SPATA13: variants seen among roughly 807,000 people sequenced by gnomAD.
The protein encoded by SPATA13 is spermatogenesis associated 13.
In SPATA13, 50 loss-of-function variants were observed where a neutral mutation model predicts 104.0. The observed-to-expected ratio is 0.48, with a 90% confidence interval of 0.38 to 0.61. The LOEUF is 0.61. SPATA13 is among the 20% of genes least tolerant of loss of function. The probability of loss-of-function intolerance (pLI) is 0.00; values close to 1 mark genes in which losing one functional copy is unlikely to be tolerated. For synonymous variants in SPATA13, 606 were observed against 667.5 expected, an observed-to-expected ratio of 0.91 and a Z score of 1.42; for missense variants, 1,524 against 1,690.6, an observed-to-expected ratio of 0.90 and a Z score of 1.73.
intron 1 of SPATA13, among the ~76,000 whole-genome samples, chr13:24,183,976 C>T (rs563500434): frequency 6.6e-5 from 10 of 152,108 alleles, no homozygotes; most frequent in Admixed American, 6.5e-5. Context: ...ATTACTCCCC[C>T]CTCTACCCAG....
chr13:24,156,142 G>A (rs1313511889), upstream of SPATA13, among the ~76,000 whole-genome samples: 1 of 152,188 alleles, frequency 6.6e-6, no homozygotes, highest in Non-Finnish European at 1.5e-5. Flanking sequence ...TGCTATGAAA[G>A]TGGGTGTACA....
chr13:24,176,990 C>A (rs1472524923), intron 1 of SPATA13, among the ~76,000 whole-genome samples: 1 of 152,138 alleles, frequency 6.6e-6, no homozygotes, highest in East Asian at 1.9e-4. Flanking sequence ...GTCTCAAACT[C>A]CTGACCTCAG....
intron 3 of SPATA13, among the ~76,000 whole-genome samples, chr13:24,078,193 C>T (rs1165902409): frequency 6.6e-6 from 1 of 152,160 alleles, no homozygotes; most frequent in Non-Finnish European, 1.5e-5. Flanking sequence ...CAAAGACCTT[C>T]AGCCAAGAGA....
intron 3 of SPATA13, among the ~76,000 whole-genome samples, chr13:24,102,475 C>CT (rs34472292): frequency 0.058 from 6,971 of 120,776 alleles, 338 homozygotes; most frequent in African/African-American, 0.12. Flanking sequence ...CACAGAATTT[C>CT]TTTTTTTTTT....
intron 1 of SPATA13, among the ~76,000 whole-genome samples, chr13:24,201,675 A>G (rs1436651325): frequency 6.6e-6 from 1 of 152,172 alleles, no homozygotes; most frequent in African/African-American, 2.4e-5. Flanking sequence ...TCTTGAGCTC[A>G]TGGTTCGCCC....
intron 3 of SPATA13, among the ~76,000 whole-genome samples, chr13:24,099,716 T>C (rs927964719): frequency 2.6e-5 from 4 of 152,216 alleles, no homozygotes; most frequent in Admixed American, 2.6e-4. Context: ...ATGTGATCAG[T>C]GTCATGAATA....
chr13:24,015,129 T>C (rs1415968503), intron 2 of SPATA13, among the ~76,000 whole-genome samples: 1 of 152,122 alleles, frequency 6.6e-6, no homozygotes, highest in Non-Finnish European at 1.5e-5. Flanking sequence ...CCTGACCTCA[T>C]GATCTGCCTG....
intron 3 of SPATA13, among the ~76,000 whole-genome samples, chr13:24,057,070 C>CT (rs1400672962): frequency 2.4e-5 from 2 of 83,492 alleles, no homozygotes; most frequent in Admixed American, 2.2e-4. Flanking sequence ...TTTTTTTTTT[C>CT]TTTTTTTAAA....
At chr13:24,017,919 C>T (rs963772104) in intron 3 of SPATA13, among the ~76,000 whole-genome samples, 1 of 152,184 alleles carries the variant, frequency 6.6e-6, no homozygotes, top group African/African-American at 2.4e-5. Context: ...TGACTTCTTC[C>T]TTTGTGAAGT....
intron 3 of SPATA13, among the ~76,000 whole-genome samples, chr13:24,105,427 C>T (rs538454563): frequency 2.7e-5 from 4 of 150,868 alleles, no homozygotes; most frequent in Non-Finnish European, 5.9e-5. Context: ...GTGTGAGCCA[C>T]TGCGCCTGAC....
At chr13:24,006,428 G>C (rs1387972819) in intron 2 of SPATA13, among the ~76,000 whole-genome samples, 2 of 152,176 alleles carry the variant, frequency 1.3e-5, no homozygotes, top group Non-Finnish European at 1.5e-5. Context: ...GTCAGACAAC[G>C]ACAAGACAAA....
At chr13:24,041,935 C>T (rs1201996408) in intron 3 of SPATA13, among the ~76,000 whole-genome samples, 1 of 152,218 alleles carries the variant, frequency 6.6e-6, no homozygotes. Context: ...ATCTGACACA[C>T]AGTCCTCGCC....
At chr13:24,228,108 CTTTTTTT>C (rs71186818) in intron 2 of SPATA13, among the ~76,000 whole-genome samples, 23,487 of 102,186 alleles carry the variant, frequency 0.23, 2,379 homozygotes, top group South Asian at 0.36. Flanking sequence ...CTCTTGTACT[CTTTTTTT>C]TTTTTTTTTT....
At chr13:24,014,845 C>G (rs1339841994) in intron 2 of SPATA13, among the ~76,000 whole-genome samples, 2 of 140,386 alleles carry the variant, frequency 1.4e-5, no homozygotes, top group East Asian at 4.1e-4. Context: ...TGCTGTAGTT[C>G]TGAGATCCAG....
chr13:24,007,520 G>A (rs777322932), intron 2 of SPATA13, among the ~76,000 whole-genome samples: 2 of 152,208 alleles, frequency 1.3e-5, no homozygotes, highest in African/African-American at 4.8e-5. Context: ...GTAGTGGTGC[G>A]AACTTGGCCC....
rs1876396581 is a variant in SPATA13 at position 24,009,962 on chromosome 13, G to T, written c.-146-7705G>T. ...TGGGGGGCTTACAATTTTATTTTTG[G>T]TTTACAGGCAGTCCTGACAACATGT... On this transcript the variant is annotated intron_variant, in intron 2 of 14. Coordinates refer to the SPATA13 transcript ENST00000424834. 1.3e-5 allele frequency among the ~76,000 whole-genome samples: 2 copies of T among 152,140 alleles called. 1 individual carries two copies. The highest frequency in any genetic ancestry group is 4.1e-4 in the South Asian group (2 of 4,824).
rs560219504 is a variant in SPATA13, at chr13:24,073,138, G to A, written c.-112+55437G>A. 1.3e-3 allele frequency among the ~76,000 whole-genome samples: 202 copies of A among 152,214 alleles called. 1 individual carries two copies. Among genetic ancestry groups the A allele is most frequent in the African/African-American group, 4.4e-3 (184 of 41,526 alleles). On this transcript the variant is annotated intron_variant, in intron 3 of 14. Transcript: ENST00000424834. ...TTCTGGATAACGTCATGATCATTAG[G>A]TTGAAGTGTAGAAGATTGTATGTTG...
chr13:24,102,539 A>G (rs564696176), intron 3 of SPATA13, among the ~76,000 whole-genome samples: 4 of 149,424 alleles, frequency 2.7e-5, no homozygotes, highest in South Asian at 4.2e-4. Flanking sequence ...CAGTGGCGCA[A>G]TCTTGGCACA....
chr13:24,127,922 C>T (rs779575549), intron 3 of SPATA13, among the ~76,000 whole-genome samples: 1 of 152,180 alleles, frequency 6.6e-6, no homozygotes, highest in African/African-American at 2.4e-5. Flanking sequence ...CTCATGCCTC[C>T]GTTGGCAGAA....
Sources: gnomAD v4.1 joint callset for allele counts (sites outside exome capture counted in the v4.1 genomes callset) on GRCh38, gnomAD v4.1.1 for gene constraint, MANE v1.5 for transcripts, NCBI Gene and HGNC (gene_info 2026-07-23, HGNC 2026-07-21) for gene names.